The following IER5 variants were observed in gnomAD, a reference collection of about 807,000 sequenced individuals.
The protein encoded by IER5 is immediate early response gene 5 protein.
A neutral mutation model predicts 8.2 loss-of-function variants in IER5; 3 were observed. That is an observed-to-expected ratio of 0.36 (90% CI 0.17 to 0.94). IER5 has a LOEUF of 0.94. Ranked by LOEUF, IER5 falls within the 40% of genes least tolerant of loss-of-function variation. IER5 has a pLI of 0.43. For synonymous variants in IER5, 286 were observed against 230.1 expected (o/e 1.24, Z -2.20); for missense variants, 531 against 494.3 (o/e 1.07, Z -0.70).
In IER5 at chr1:181,089,977, C is replaced by T. The variant is rs1279999615; in HGVS notation, c.*91C>T. ...TCCCGGCTGCGAGGACGCCCAGAGA[C>T]CGCGGGCGCTGAGCGCGTTGGGCAG... On this transcript the variant is annotated 3_prime_UTR_variant, in exon 1 of 1. Coordinates refer to ENST00000367577, the MANE Select transcript of IER5 (RefSeq NM_016545.5). 3 of 1,507,768 alleles carry T rather than the reference C, an allele frequency of 2.0e-6. No homozygotes were observed. In the African/African-American group the frequency reaches 4.2e-5, roughly 21 times the overall value. The allele number at this position is 1,507,768 out of a possible 1,614,324, so 93.4% of individuals were successfully genotyped here.
At position 181,090,053 on chromosome 1, in the gene IER5, C is replaced by T. The variant is rs1289371597; in HGVS notation, c.*167C>T. 2 of 782,918 alleles carry T rather than the reference C, an allele frequency of 2.6e-6. No homozygotes were observed. Among genetic ancestry groups the T allele is most frequent in the East Asian group, 2.7e-5 (1 of 37,248 alleles). The allele number at this position is 782,918 out of a possible 1,614,324, so 48.5% of individuals were successfully genotyped here. On this transcript the variant is annotated 3_prime_UTR_variant, in exon 1 of 1. Coordinates refer to ENST00000367577, the MANE Select transcript of IER5 (RefSeq NM_016545.5). ...CTGCCCCCGGGCGCATCTGGCTTAT[C>T]TGGAGACCTGGGAGCTTGAGGCTCA...
Position 181,090,992 on chromosome 1 carries a change from A to C in IER5, c.*1106A>C, listed in dbSNP as rs1659463771. 1 of 152,168 alleles carries C rather than the reference A, an allele frequency of 6.6e-6. No individual in the cohort carries two copies. Among genetic ancestry groups the C allele is most frequent in the African/African-American group, 2.4e-5 (1 of 41,436 alleles). 9.4% of individuals were successfully genotyped at this position (152,168 alleles called of 1,614,324 possible). A position where few individuals can be genotyped will look rare whatever the true frequency, so the allele number is the denominator to read the frequency against. On this transcript the variant is annotated 3_prime_UTR_variant, in exon 1 of 1. Coordinates refer to ENST00000367577, the MANE Select transcript of IER5 (RefSeq NM_016545.5). ...TGTTTACTGACTCCACTAAGTATCAAGAGAGACACGTTTAATTTTTCCTCC... is the reference window on the plus strand; with the variant it reads ...TGTTTACTGACTCCACTAAGTATCACGAGAGACACGTTTAATTTTTCCTCC...
Position 181,089,404 on chromosome 1 carries a change from G to A in IER5, c.502G>A (p.Val168Ile), listed in dbSNP as rs3747954. The change falls in exon 1 of 1, where the codon GTA (valine) becomes ATA (isoleucine). Residue 168 changes from valine to isoleucine, a missense_variant. Physicochemically the swap from Val to Ile is conservative, Grantham distance 29. Coordinates refer to ENST00000367577, the MANE Select transcript of IER5 (RefSeq NM_016545.5). ...TAGGWGVFPE[V>I]SRAARRPCGC... ...CGGAGGCTGGGGCGTCTTCCCCGAG[G>A]TATCTCGTGCCGCGCGCCGCCCCTG... 0.053 allele frequency: 77,553 copies of A among 1,451,722 alleles called. 2,308 individuals carry two copies. The highest frequency in any genetic ancestry group is 0.11 in the African/African-American group (7,694 of 67,652). 89.9% of individuals were successfully genotyped at this position (1,451,722 alleles called of 1,614,324 possible).
In IER5 at chr1:181,090,407, G is replaced by A. The variant is rs1659448796; in HGVS notation, c.*521G>A. On this transcript the variant is annotated 3_prime_UTR_variant, in exon 1 of 1. Transcript: ENST00000367577. ...CGAGAGGGATTTAGCCAAGAGCACA[G>A]ACTTGGATTCCTTCTGTCCCTCCCC... The A allele has an allele frequency of 5.8e-6, 1 of 173,554 alleles. No individual in the cohort carries two copies. The highest frequency in any genetic ancestry group is 6.5e-5 in the Admixed American group (1 of 15,374). 10.8% of individuals were successfully genotyped at this position (173,554 alleles called of 1,614,324 possible). A position where few individuals can be genotyped will look rare whatever the true frequency, so the allele number is the denominator to read the frequency against.
rs796868864 is a variant in IER5, at chr1:181,088,726, A to G, written c.-177A>G. 2.6e-4 allele frequency: 158 copies of G among 602,434 alleles called. No individual in the cohort carries two copies. Among genetic ancestry groups the G allele is most frequent in the African/African-American group, 2.6e-3 (135 of 51,890 alleles). 37.3% of individuals were successfully genotyped at this position (602,434 alleles called of 1,614,324 possible). A position where few individuals can be genotyped will look rare whatever the true frequency, so the allele number is the denominator to read the frequency against. On this transcript the variant is annotated 5_prime_UTR_variant, in exon 1 of 1. Transcript: ENST00000367577. ...TTTAGCGACCGGACCCGAAACGGGGAAGTTGTCTTGTTTGGAGAGGTTAGT... is the reference window on the plus strand; with the variant it reads ...TTTAGCGACCGGACCCGAAACGGGGGAGTTGTCTTGTTTGGAGAGGTTAGT...
In IER5 at chr1:181,089,763, C is replaced by A. The variant is rs900207686; in HGVS notation, c.861C>A (p.Gly287=). Residue 287 remains glycine (G), a synonymous_variant, in exon 1 of 1, where the codon GGC becomes GGA. Coordinates refer to ENST00000367577, the MANE Select transcript of IER5 (RefSeq NM_016545.5). ...GACTCCTACGGAAAAGCCCCGGGGG[C>A]GGCAGAGAGGAAGAGGAGGGAGAGG... ...FSGLLRKSPG[G]GREEEEGEES... 1 of 1,613,782 alleles carries A rather than the reference C, an allele frequency of 6.2e-7. No individual in the cohort carries two copies. The highest frequency in any genetic ancestry group is 1.7e-5 in the Admixed American group (1 of 60,016).
chr1:181,090,318 C>T lies in IER5; in HGVS notation c.*432C>T, dbSNP rs567906971. The stretch of plus-strand genomic sequence containing the variant: ...GGAGGGAGGGACTTTACACCTACCC[C>T]TCACCGGAAAGCTAGACCCGCTTCA... On this transcript the variant is annotated 3_prime_UTR_variant, in exon 1 of 1. Transcript: ENST00000367577. The T allele has an allele frequency of 5.1e-6, 1 of 197,700 alleles. No homozygotes were observed. The allele number at this position is 197,700 out of a possible 1,614,324, so 12.2% of individuals were successfully genotyped here.
Position 181,090,048 on chromosome 1 carries a change from C to T in IER5, c.*162C>T. On this transcript the variant is annotated 3_prime_UTR_variant, in exon 1 of 1. Transcript: ENST00000367577. ...GCAAACTGCCCCCGGGCGCATCTGG[C>T]TTATCTGGAGACCTGGGAGCTTGAG... 1.2e-6 allele frequency: 1 copy of T among 837,120 alleles called. No individual in the cohort carries two copies. Among genetic ancestry groups the T allele is most frequent in the Non-Finnish European group, 1.9e-6 (1 of 532,072 alleles). The allele number at this position is 837,120 out of a possible 1,614,324, so 51.9% of individuals were successfully genotyped here.
In IER5 at chr1:181,089,690, C is replaced by A; in HGVS notation, c.788C>A (p.Thr263Asn). The change falls in exon 1 of 1, where the codon ACC becomes AAC. Residue 263 changes from threonine (T) to asparagine (N), a missense_variant. Transcript: ENST00000367577. Reference sequence around the variant, plus strand: ...GACGACGACGCGGAGGAGATGGAGACCGGGAACGTGGCTAACCTCATCAGC... The same window carrying A: ...GACGACGACGCGGAGGAGATGGAGAACGGGAACGTGGCTAACCTCATCAGC... ...GEDDDAEEME[T>N]GNVANLISIF... The A allele has an allele frequency of 1.9e-6, 3 of 1,613,532 alleles. No individual in the cohort carries two copies. The highest frequency in any genetic ancestry group is 1.7e-4 in the Middle Eastern group (1 of 6,060).
chr1:181,088,754 A>G lies in IER5; in HGVS notation c.-149A>G. 1.6e-6 allele frequency: 1 copy of G among 644,194 alleles called. No homozygotes were observed. Among genetic ancestry groups the G allele is most frequent in the Non-Finnish European group, 2.6e-6 (1 of 390,766 alleles). 39.9% of individuals were successfully genotyped at this position (644,194 alleles called of 1,614,324 possible). On this transcript the variant is annotated 5_prime_UTR_variant, in exon 1 of 1. Coordinates refer to ENST00000367577, the MANE Select transcript of IER5 (RefSeq NM_016545.5). ...TTGTCTTGTTTGGAGAGGTTAGTAG[A>G]GCAGCGCGCGCGTCACCAGAGTCGT...
In IER5 at chr1:181,089,517, G is replaced by C. The variant is rs1443355922; in HGVS notation, c.615G>C (p.Glu205Asp). The change falls in exon 1 of 1, where the codon GAG (glutamate) becomes GAC (aspartate). Residue 205 changes from glutamate to aspartate, a missense_variant. Physicochemically the swap from Glu to Asp is conservative, Grantham distance 45. Transcript: ENST00000367577. ...GCTGCTGCGCGCCGCAACCAGCGGA[G>C]GACGAGCCCCCCGCGCCGCCCGCGG... ...AACCCAPQPAEDEPPAPPAVC... is the reference protein window; with the variant it reads ...AACCCAPQPADDEPPAPPAVC... 5 of 1,294,878 alleles carry C rather than the reference G, an allele frequency of 3.9e-6. No homozygotes were observed. Among genetic ancestry groups the C allele is most frequent in the Middle Eastern group, 3.0e-4 (1 of 3,350 alleles). The allele number at this position is 1,294,878 out of a possible 1,614,324, so 80.2% of individuals were successfully genotyped here. A position where few individuals can be genotyped will look rare whatever the true frequency, so the allele number is the denominator to read the frequency against.
chr1:181,089,712 C>G lies in IER5; in HGVS notation c.810C>G (p.Ile270Met), dbSNP rs1405632323. The G allele has an allele frequency of 6.2e-7, 1 of 1,613,890 alleles. No individual in the cohort carries two copies. ...EMETGNVANL[I>M]SIFGSSFSGL... is the part of the protein sequence containing the mutation. ...AGACCGGGAACGTGGCTAACCTCATCAGCATCTTCGGTTCCAGTTTCTCGG... is the reference window on the plus strand; with the variant it reads ...AGACCGGGAACGTGGCTAACCTCATGAGCATCTTCGGTTCCAGTTTCTCGG... The change falls in exon 1 of 1, where the codon ATC becomes ATG. Residue 270 changes from isoleucine to methionine, a missense_variant. Coordinates refer to ENST00000367577, the MANE Select transcript of IER5 (RefSeq NM_016545.5).
chr1:181,089,273 G>A lies in IER5; in HGVS notation c.371G>A (p.Gly124Glu). ...GDEVPVATVT[G>E]VGDVFQGGEA... ...GAGGTGCCGGTGGCCACGGTGACTG[G>A]AGTCGGGGACGTTTTTCAGGGCGGA... The change falls in exon 1 of 1, where the codon GGA (glycine) becomes GAA (glutamate). Residue 124 changes from glycine (G) to glutamate (E), a missense_variant. Physicochemically the swap from Gly to Glu is moderately conservative, Grantham distance 98. Transcript: ENST00000367577. 1 of 1,559,320 alleles carries A rather than the reference G, an allele frequency of 6.4e-7. No homozygotes were observed.
rs2102435752 is a variant in IER5, at chr1:181,092,417, C to T, written c.*2531C>T. 6.6e-6 allele frequency: 1 copy of T among 151,810 alleles called. No homozygotes were observed. Among genetic ancestry groups the T allele is most frequent in the Non-Finnish European group, 1.5e-5 (1 of 67,972 alleles). The allele number at this position is 151,810 out of a possible 1,614,324, so 9.4% of individuals were successfully genotyped here. A position where few individuals can be genotyped will look rare whatever the true frequency, so the allele number is the denominator to read the frequency against. On this transcript the variant is annotated 3_prime_UTR_variant, in exon 1 of 1. Coordinates refer to ENST00000367577, the MANE Select transcript of IER5 (RefSeq NM_016545.5). ...AAGCAGTATAGTATAGTAGTTAGAG[C>T]ATGGGCCCTGGAGCCAGGCTGCTTG...
Position 181,088,879 on chromosome 1 carries a change from G to T in IER5, c.-24G>T, listed in dbSNP as rs1659392771. 1 of 1,550,534 alleles carries T rather than the reference G, an allele frequency of 6.4e-7. No individual in the cohort carries two copies. The highest frequency in any genetic ancestry group is 1.4e-5 in the African/African-American group (1 of 72,386). ...TTTCCAAACGTGTCACCCCGGCGCC[G>T]ACGGCCCTGTGCAGGGGAAGCAGAT... On this transcript the variant is annotated 5_prime_UTR_variant, in exon 1 of 1. Coordinates refer to ENST00000367577, the MANE Select transcript of IER5 (RefSeq NM_016545.5).
chr1:181,091,553 A>T lies in IER5; in HGVS notation c.*1667A>T, dbSNP rs1294684908. On this transcript the variant is annotated 3_prime_UTR_variant, in exon 1 of 1. Transcript: ENST00000367577. ...TGACATCAGTGTTTGGTCATGGTAG[A>T]CACTTAGGTGATGATAGCCAAAACA... 1.3e-5 allele frequency: 2 copies of T among 152,246 alleles called. No homozygotes were observed. The highest frequency in any genetic ancestry group is 4.8e-5 in the African/African-American group (2 of 41,468). 9.4% of individuals were successfully genotyped at this position (152,246 alleles called of 1,614,324 possible).
chr1:181,090,423 G>C lies in IER5; in HGVS notation c.*537G>C, dbSNP rs539777579. ...AAGAGCACAGACTTGGATTCCTTCT[G>C]TCCCTCCCCACCTTTCTCTCCCAAT... On this transcript the variant is annotated 3_prime_UTR_variant, in exon 1 of 1. Transcript: ENST00000367577. The C allele has an allele frequency of 3.5e-4, 59 of 170,976 alleles. No individual in the cohort carries two copies. The highest frequency in any genetic ancestry group is 3.3e-3 in the Admixed American group (51 of 15,344). The allele number at this position is 170,976 out of a possible 1,614,324, so 10.6% of individuals were successfully genotyped here. A position where few individuals can be genotyped will look rare whatever the true frequency, so the allele number is the denominator to read the frequency against.
Position 181,091,671 on chromosome 1 carries a change from G to A in IER5, c.*1785G>A, listed in dbSNP as rs1659479959. ...AGGTATTCAGTAATCTATTTCAGAAGCAAATCAATTAGGGAATGGTGTTTA... is the reference window on the plus strand; with the variant it reads ...AGGTATTCAGTAATCTATTTCAGAAACAAATCAATTAGGGAATGGTGTTTA... On this transcript the variant is annotated 3_prime_UTR_variant, in exon 1 of 1. Coordinates refer to ENST00000367577, the MANE Select transcript of IER5 (RefSeq NM_016545.5). 1 of 152,202 alleles carries A rather than the reference G, an allele frequency of 6.6e-6. No individual in the cohort carries two copies. Among genetic ancestry groups the A allele is most frequent in the Non-Finnish European group, 1.5e-5 (1 of 68,038 alleles). 9.4% of individuals were successfully genotyped at this position (152,202 alleles called of 1,614,324 possible).
rs760947674 is a variant in IER5, at chr1:181,089,243, G to A, written c.341G>A (p.Gly114Glu). The A allele has an allele frequency of 6.4e-7, 1 of 1,552,264 alleles. No individual in the cohort carries two copies. Among genetic ancestry groups the A allele is most frequent in the South Asian group, 1.2e-5 (1 of 85,206 alleles). The change falls in exon 1 of 1, where the codon GGG (glycine) becomes GAG (glutamate). Residue 114 changes from glycine (G) to glutamate (E), a missense_variant. Gly to Glu is a moderately conservative substitution (Grantham distance 98). Transcript: ENST00000367577. Reference protein sequence around the residue: ...RSSVSDAPRVGDEVPVATVTG... With the variant: ...RSSVSDAPRVEDEVPVATVTG... ...TCCGTCTCAGACGCGCCGCGGGTAGGGGACGAGGTGCCGGTGGCCACGGTG... is the reference window on the plus strand; with the variant it reads ...TCCGTCTCAGACGCGCCGCGGGTAGAGGACGAGGTGCCGGTGGCCACGGTG...
Sources: allele counts gnomAD v4.1 joint callset, GRCh38; gene constraint gnomAD v4.1.1; transcripts MANE v1.5; gene names NCBI Gene and HGNC (gene_info 2026-07-23, HGNC 2026-07-21).